Variants in PDE10A observed in about 807,000 individuals in gnomAD.
The protein encoded by PDE10A is phosphodiesterase 10A, also known as cAMP and cAMP-inhibited cGMP 3',5'-cyclic phosphodiesterase 10A.
Under a neutral mutation model 97.7 loss-of-function variants are expected in PDE10A, and 39 were observed. The ratio of observed to expected loss-of-function variants is 0.40; its 90% CI spans 0.31 to 0.52. The LOEUF (loss-of-function observed/expected upper bound fraction) is 0.52. Ranked by LOEUF, PDE10A falls within the 20% of genes least tolerant of loss-of-function variation. The probability of loss-of-function intolerance (pLI) is 0.56; values close to 1 mark genes in which losing one functional copy is unlikely to be tolerated. For missense variants in PDE10A, 731 were observed against 1,047.8 expected (o/e 0.70, Z 4.17); for synonymous variants, 371 against 376.8 (o/e 0.98, Z 0.18).
intron 1 of PDE10A, among the ~76,000 whole-genome samples, chr6:165,728,842 C>T (rs1416187085): frequency 6.6e-6 from 1 of 152,170 alleles, no homozygotes; most frequent in Admixed American, 6.5e-5. Flanking sequence ...TGACCTCTGA[C>T]TTCTCAGTTT....
At chr6:165,763,223 T>A (rs1334691774) in intron 1 of PDE10A, among the ~76,000 whole-genome samples, 2 of 152,190 alleles carry the variant, frequency 1.3e-5, no homozygotes, top group Non-Finnish European at 2.9e-5. Flanking sequence ...CCCTCTGTGG[T>A]GCCCCTGCTC....
intron 1 of PDE10A, among the ~76,000 whole-genome samples, chr6:165,679,723 G>T (rs935651092): frequency 2.0e-5 from 3 of 152,354 alleles, no homozygotes; most frequent in Admixed American, 6.5e-5. Context: ...ATCCATCGCT[G>T]TGATGTCTTT....
chr6:165,528,779 C>T (rs1782600934), intron 2 of PDE10A, among the ~76,000 whole-genome samples: 2 of 152,186 alleles, frequency 1.3e-5, no homozygotes, highest in South Asian at 4.1e-4. Context: ...CCCCATCATT[C>T]TGAAGCAGCT....
chr6:165,587,265 C>T (rs1008267898), intron 1 of PDE10A, among the ~76,000 whole-genome samples: 11 of 152,044 alleles, frequency 7.2e-5, no homozygotes, highest in Admixed American at 6.6e-5. Context: ...GAAGTAAAGA[C>T]GGGAGGAACA....
At chr6:165,567,374 A>G (rs1784826182) in intron 1 of PDE10A, among the ~76,000 whole-genome samples, 1 of 152,248 alleles carries the variant, frequency 6.6e-6, no homozygotes, top group Admixed American at 6.5e-5. Context: ...AATTACTTAC[A>G]ACTAGTAAGT....
At chr6:165,778,778 T>A (rs1219551528) in intron 1 of PDE10A, among the ~76,000 whole-genome samples, 1 of 152,228 alleles carries the variant, frequency 6.6e-6, no homozygotes, top group African/African-American at 2.4e-5. Context: ...CTTTTCATAT[T>A]TCCACTGACC....
intron 1 of PDE10A, among the ~76,000 whole-genome samples, chr6:165,813,285 T>G (rs1045105154): frequency 2.0e-5 from 3 of 148,104 alleles, no homozygotes; most frequent in Non-Finnish European, 3.0e-5. Flanking sequence ...CCTGCTAACC[T>G]TATATTTTTG....
intron 1 of PDE10A, among the ~76,000 whole-genome samples, chr6:165,746,957 TA>T (rs1444989997): frequency 6.6e-6 from 1 of 152,228 alleles, no homozygotes; most frequent in South Asian, 2.1e-4. Flanking sequence ...AAGTGCTTCT[TA>T]AAAAATACAG....
intron 1 of PDE10A, among the ~76,000 whole-genome samples, chr6:165,907,178 G>A (rs1033947657): frequency 6.6e-6 from 1 of 152,236 alleles, no homozygotes; most frequent in African/African-American, 2.4e-5. Context: ...CCAAAACCCT[G>A]GCTGCAAGGC....
intron 13 of PDE10A, among the ~76,000 whole-genome samples, chr6:165,396,723 T>A (rs576728151): frequency 7.9e-5 from 12 of 152,322 alleles, no homozygotes; most frequent in African/African-American, 2.9e-4. Flanking sequence ...TTACTTGGCA[T>A]TTGTCTTCCT....
At chr6:165,390,595 T>C (rs143876405) in intron 16 of PDE10A, among the ~76,000 whole-genome samples, 1 of 152,200 alleles carries the variant, frequency 6.6e-6, no homozygotes, top group East Asian at 1.9e-4. Flanking sequence ...TGGTAGGCAG[T>C]GTTCTCCAAG....
chr6:165,846,342 T>G (rs1780418551), intron 1 of PDE10A, among the ~76,000 whole-genome samples: 1 of 152,126 alleles, frequency 6.6e-6, no homozygotes, highest in Non-Finnish European at 1.5e-5. Context: ...AGTACCGAGG[T>G]GCAGTGCAGT....
At chr6:165,392,451 T>C (rs969272659) in intron 16 of PDE10A, among the ~76,000 whole-genome samples, 195 bp downstream of exon 16, 4 of 152,226 alleles carry the variant, frequency 2.6e-5, no homozygotes, top group African/African-American at 2.4e-5. Context: ...AAATTTCTTT[T>C]ATCTACATTT....
chr6:165,785,518 T>C (rs1295890807), intron 1 of PDE10A, among the ~76,000 whole-genome samples: 1 of 152,228 alleles, frequency 6.6e-6, no homozygotes, highest in Non-Finnish European at 1.5e-5. Flanking sequence ...ACTATTATTG[T>C]TGTTGTTATC....
At chr6:165,584,341 T>C (rs1483943502) in intron 1 of PDE10A, among the ~76,000 whole-genome samples, 2 of 152,170 alleles carry the variant, frequency 1.3e-5, no homozygotes, top group African/African-American at 4.8e-5. Context: ...AGCCGCCTTC[T>C]TACTGGGGGG....
chr6:165,786,571 C>A (rs984330613), intron 1 of PDE10A, among the ~76,000 whole-genome samples: 2 of 152,190 alleles, frequency 1.3e-5, no homozygotes, highest in African/African-American at 4.8e-5. Context: ...CATCTTCCTG[C>A]AGCTTTTAGA....
chr6:165,728,916 A>C (rs1792359134), intron 1 of PDE10A, among the ~76,000 whole-genome samples: 1 of 152,228 alleles, frequency 6.6e-6, no homozygotes, highest in South Asian at 2.1e-4. Flanking sequence ...ATAATTGAAA[A>C]GAGGAAAAGT....
At chr6:165,887,617 T>C (rs1218342750) in intron 1 of PDE10A, among the ~76,000 whole-genome samples, 1 of 152,170 alleles carries the variant, frequency 6.6e-6, no homozygotes, top group South Asian at 2.1e-4. Flanking sequence ...CTAAGACCAA[T>C]ATGCTTAGAG....
intron 13 of PDE10A, 61 bp from the exon 14 acceptor site, chr6:165,396,520 C>CA (rs761962822): frequency 7.0e-5 from 105 of 1,495,670 alleles, no homozygotes; most frequent in Admixed American, 2.1e-4. Flanking sequence ...ACTGTTTTGT[C>CA]ACGGAAGTTC....
Sources: gnomAD v4.1 joint callset for allele counts (sites outside exome capture counted in the v4.1 genomes callset) on GRCh38, gnomAD v4.1.1 for gene constraint, MANE v1.5 for transcripts, NCBI Gene and HGNC (gene_info 2026-07-23, HGNC 2026-07-21) for gene names.